The following EYS variants were observed in gnomAD, a reference collection of about 807,000 sequenced individuals.
EYS encodes EGF-like photoreceptor maintenance factor.
EYS carries 250 observed loss-of-function variants against 282.1 expected under a neutral mutation model. The ratio of observed to expected loss-of-function variants is 0.89; its 90% CI spans 0.80 to 0.98. The LOEUF (loss-of-function observed/expected upper bound fraction) is 0.98, where lower values mean the gene tolerates loss of function less well. EYS is among the 50% of genes least tolerant of loss of function. The pLI is 0.00. For synonymous variants in EYS, 1,355 were observed against 1,282.9 expected (o/e 1.06, Z -1.20); for missense variants, 4,016 against 3,709.0 (o/e 1.08, Z -2.15).
At chr6:64,718,558 T>C (rs941203102) in intron 22 of EYS, among the ~76,000 whole-genome samples, 1 of 152,216 alleles carries the variant, frequency 6.6e-6, no homozygotes, top group Non-Finnish European at 1.5e-5. Context: ...TTGAATGTTA[T>C]ACACTTCACC....
In EYS at chr6:64,773,341, A is replaced by G. The variant is rs147515267; in HGVS notation, c.3443+40037T>C. ...CTTTTTTATGGCTGCATAATATTCC[A>G]TGGTATATATGTACATTTTCTCAAT... is the stretch of plus-strand genomic sequence containing the variant. On this transcript the variant is annotated intron_variant, in intron 22 of 42. Transcript: ENST00000503581. Among the ~76,000 whole-genome samples the G allele has an allele frequency of 5.5e-3, 839 of 151,928 alleles. 8 individuals carry two copies. Among genetic ancestry groups the G allele is most frequent in the African/African-American group, 0.019 (777 of 41,506 alleles).
intron 33 of EYS, among the ~76,000 whole-genome samples, chr6:64,015,177 A>G (rs1768834723): frequency 6.6e-6 from 1 of 152,188 alleles, no homozygotes. Context: ...TACAATAGAG[A>G]TAATAATTCC....
At chr6:63,993,924 G>A (rs1292794553) in intron 34 of EYS, among the ~76,000 whole-genome samples, 1 of 151,880 alleles carries the variant, frequency 6.6e-6, no homozygotes, top group Admixed American at 6.6e-5. Context: ...AATCAAAAGT[G>A]TATGGTGCTG....
intron 26 of EYS, among the ~76,000 whole-genome samples, chr6:64,476,521 A>G (rs1776270629): frequency 6.6e-6 from 1 of 152,100 alleles, no homozygotes; most frequent in African/African-American, 2.4e-5. Context: ...CAGAGTGAAA[A>G]AAATATAGAA....
At chr6:65,703,974 G>A (rs9453371) in intron 1 of EYS, among the ~76,000 whole-genome samples, 43,764 of 151,640 alleles carry the variant, frequency 0.29, 7,032 homozygotes, top group African/African-American at 0.44. Flanking sequence ...ACGACTGAGC[G>A]AATTGAAAGT....
At chr6:64,461,559 A>T (rs1032482010) in intron 26 of EYS, among the ~76,000 whole-genome samples, 7 of 152,160 alleles carry the variant, frequency 4.6e-5, no homozygotes, top group Non-Finnish European at 8.8e-5. Context: ...TTAAATATAG[A>T]TTTTGTGTTC....
At chr6:64,300,622 G>A (rs1199714851) in intron 30 of EYS, among the ~76,000 whole-genome samples, 1 of 152,142 alleles carries the variant, frequency 6.6e-6, no homozygotes, top group Non-Finnish European at 1.5e-5. Flanking sequence ...ACAGCCCCTG[G>A]AATTCGCCCA....
chr6:64,808,922 G>A (rs535704994), intron 22 of EYS, among the ~76,000 whole-genome samples: 1 of 152,140 alleles, frequency 6.6e-6, no homozygotes, highest in African/African-American at 2.4e-5. Context: ...AAATTTAATA[G>A]TAGAGGAAGA....
At chr6:65,292,653 C>T (rs867183803) in intron 12 of EYS, among the ~76,000 whole-genome samples, 1 of 151,646 alleles carries the variant, frequency 6.6e-6, no homozygotes, top group African/African-American at 2.4e-5. Flanking sequence ...GAATATAGTA[C>T]AACAGTGAAA....
At chr6:65,620,275 A>G (rs1414789112) in intron 2 of EYS, among the ~76,000 whole-genome samples, 1 of 152,080 alleles carries the variant, frequency 6.6e-6, no homozygotes, top group East Asian at 1.9e-4. Context: ...TTCCTGGTTT[A>G]GTCTTGGGAG....
chr6:64,505,175 CT>C (rs900968203), intron 26 of EYS, among the ~76,000 whole-genome samples: 1 of 152,170 alleles, frequency 6.6e-6, no homozygotes, highest in African/African-American at 2.4e-5. Flanking sequence ...ATTGATTCCT[CT>C]TTTGGATATT....
intron 31 of EYS, among the ~76,000 whole-genome samples, chr6:64,188,457 G>A (rs916545471): frequency 1.3e-5 from 2 of 152,104 alleles, no homozygotes; most frequent in Non-Finnish European, 2.9e-5. Context: ...TGTCTCAATC[G>A]CTTTTTAGTA....
At chr6:64,099,323 G>A (rs533715931) in intron 31 of EYS, among the ~76,000 whole-genome samples, 3 of 152,320 alleles carry the variant, frequency 2.0e-5, no homozygotes, top group Admixed American at 1.3e-4. Context: ...TGTTTCAGAT[G>A]TGATCACTTT....
chr6:63,858,432 G>T (rs1217723965), intron 36 of EYS, among the ~76,000 whole-genome samples: 1 of 152,144 alleles, frequency 6.6e-6, no homozygotes, highest in Non-Finnish European at 1.5e-5. Flanking sequence ...TTTTAAATAT[G>T]TGCCAACCTA....
intron 12 of EYS, among the ~76,000 whole-genome samples, chr6:65,251,185 T>C (rs1394033978): frequency 7.1e-6 from 1 of 141,108 alleles, no homozygotes; most frequent in East Asian, 1.9e-4. Flanking sequence ...GAATATTTAA[T>C]AAATAAAGAC....
intron 12 of EYS, among the ~76,000 whole-genome samples, chr6:65,275,301 G>A (rs774917657): frequency 4.6e-5 from 7 of 152,272 alleles, no homozygotes; most frequent in South Asian, 4.1e-4. Context: ...ATTTTCACAT[G>A]GGTGATAATT....
rs60890888 is a variant in EYS at position 64,524,735 on chromosome 6, T to A, written c.5644+65488A>T. Among the ~76,000 whole-genome samples the A allele has an allele frequency of 2.8e-4, 43 of 151,896 alleles. No homozygotes were observed. The East Asian group carries it at 6.8e-3, about 24-fold the overall frequency. ...ATTTATTGTATAGGGAGTCCTTTCCTCATTGCTTGCTTTTGTCAACTTTGC... is the reference window on the plus strand; with the variant it reads ...ATTTATTGTATAGGGAGTCCTTTCCACATTGCTTGCTTTTGTCAACTTTGC... On this transcript the variant is annotated intron_variant, in intron 26 of 42. Transcript: ENST00000503581.
chr6:64,227,637 G>T (rs1766290127), intron 31 of EYS, among the ~76,000 whole-genome samples: 1 of 151,950 alleles, frequency 6.6e-6, no homozygotes, highest in Non-Finnish European at 1.5e-5. Flanking sequence ...TTATTCTGAG[G>T]GTTAAGTGAA....
intron 34 of EYS, among the ~76,000 whole-genome samples, chr6:63,988,665 C>A (rs973498772): frequency 6.6e-6 from 1 of 151,460 alleles, no homozygotes; most frequent in Non-Finnish European, 1.5e-5. Flanking sequence ...CCTTGTGAAT[C>A]AGACTATGAA....
Sources: allele counts gnomAD v4.1 joint callset (sites outside exome capture counted in the v4.1 genomes callset), GRCh38; gene constraint gnomAD v4.1.1; transcripts MANE v1.5; gene names NCBI Gene and HGNC (gene_info 2026-07-23, HGNC 2026-07-21).